NRG3: variants seen among roughly 807,000 people sequenced by gnomAD.
NRG3 encodes neuregulin 3, also known as pro-neuregulin-3, membrane-bound isoform.
A neutral mutation model predicts 66.9 loss-of-function variants in NRG3; 31 were observed. The observed-to-expected ratio is 0.46, with a 90% CI of 0.35 to 0.63. The LOEUF is 0.63. Among genes scored for constraint, NRG3 ranks in the 20% least tolerant of loss-of-function variants. The pLI is 0.00. For synonymous variants in NRG3, 393 were observed against 359.4 expected, an observed-to-expected ratio of 1.09 and a Z score of -1.06; for missense variants, 910 against 878.9, an observed-to-expected ratio of 1.04 and a Z score of -0.45.
At chr10:82,254,094 G>A (rs947117968) in intron 1 of NRG3, among the ~76,000 whole-genome samples, 4 of 152,106 alleles carry the variant, frequency 2.6e-5, no homozygotes, top group South Asian at 2.1e-4. Flanking sequence ...CACTCTTCCA[G>A]TGCTGGGTGC....
chr10:81,920,904 TCTA>T (rs1185541344), intron 1 of NRG3, among the ~76,000 whole-genome samples: 2 of 152,120 alleles, frequency 1.3e-5, no homozygotes, highest in Admixed American at 6.6e-5. Context: ...ATATGTTTCT[TCTA>T]ATGTTTTTCT....
intron 2 of NRG3, among the ~76,000 whole-genome samples, chr10:82,552,948 A>C (rs1294885022): frequency 1.3e-5 from 2 of 151,996 alleles, no homozygotes; most frequent in African/African-American, 2.4e-5. Flanking sequence ...GATAGTTGAC[A>C]ATGTACCTCC....
At chr10:82,334,136 C>CAAAAAAAAAAAAA (rs34320765) in intron 1 of NRG3, among the ~76,000 whole-genome samples, 1 of 89,904 alleles carries the variant, frequency 1.1e-5, no homozygotes, top group Non-Finnish European at 2.6e-5. Flanking sequence ...CATGGCGTCT[C>CAAAAAAAAAAAAA]AAAAAAAAAA....
At chr10:81,979,447 A>G (rs1032011352) in intron 1 of NRG3, among the ~76,000 whole-genome samples, 35 of 152,210 alleles carry the variant, frequency 2.3e-4, no homozygotes, top group African/African-American at 8.0e-4. Context: ...ATGAAGAGAA[A>G]TGCAAGCCTA....
intron 1 of NRG3, among the ~76,000 whole-genome samples, chr10:81,997,485 G>A (rs1031295929): frequency 1.3e-5 from 2 of 152,106 alleles, no homozygotes; most frequent in African/African-American, 2.4e-5. Context: ...ACTGATGGAA[G>A]CCTTTACCTT....
At chr10:82,220,367 C>CTGGGGACAGGAG (rs2075884151) in intron 1 of NRG3, among the ~76,000 whole-genome samples, 1 of 152,124 alleles carries the variant, frequency 6.6e-6, no homozygotes, top group Non-Finnish European at 1.5e-5. Flanking sequence ...TGGATTCCAG[C>CTGGGGACAGGAG]TGGGGACAGG....
At chr10:82,741,052 G>A (rs541759269) in intron 3 of NRG3, among the ~76,000 whole-genome samples, 1 of 152,168 alleles carries the variant, frequency 6.6e-6, no homozygotes, top group Non-Finnish European at 1.5e-5. Flanking sequence ...GAGTCAAAAT[G>A]CCAGAATCCT....
chr10:82,088,493 A>G lies in NRG3; in HGVS notation c.823+212330A>G, dbSNP rs188101871. 1.3e-3 allele frequency among the ~76,000 whole-genome samples: 198 copies of G among 152,266 alleles called. 1 individual carries two copies. Among genetic ancestry groups the G allele is most frequent in the Admixed American group, 6.7e-3 (102 of 15,296 alleles). ...CAGATTTGTAGAGATACATTTGTCT[A>G]TGTTGTGAGAATTGAAAGCCTTTCA... On this transcript the variant is annotated intron_variant, in intron 1 of 8. Transcript: ENST00000372141.
At chr10:81,994,562 G>T (rs2060862041) in intron 1 of NRG3, among the ~76,000 whole-genome samples, 1 of 151,794 alleles carries the variant, frequency 6.6e-6, no homozygotes, top group Non-Finnish European at 1.5e-5. Flanking sequence ...CTTGCATAAA[G>T]GATAGATAGC....
At chr10:82,644,473 G>A (rs2050799082) in intron 2 of NRG3, among the ~76,000 whole-genome samples, 1 of 152,022 alleles carries the variant, frequency 6.6e-6, no homozygotes, top group African/African-American at 2.4e-5. Context: ...AGCTGTTAGA[G>A]ATAAGTTCCA....
intron 1 of NRG3, among the ~76,000 whole-genome samples, chr10:82,279,429 A>G (rs1354798714): frequency 6.6e-6 from 1 of 152,192 alleles, no homozygotes; most frequent in Non-Finnish European, 1.5e-5. Flanking sequence ...CAAAATCCAC[A>G]TAGACAATAA....
At chr10:82,769,929 G>A (rs765101074) in intron 3 of NRG3, among the ~76,000 whole-genome samples, 5 of 152,060 alleles carry the variant, frequency 3.3e-5, no homozygotes, top group Non-Finnish European at 5.9e-5. Context: ...AATTTAGGAC[G>A]TGATGCAGAC....
chr10:82,341,208 G>A (rs1387769587), intron 1 of NRG3, among the ~76,000 whole-genome samples: 1 of 152,024 alleles, frequency 6.6e-6, no homozygotes, highest in Non-Finnish European at 1.5e-5. Context: ...AAAAAACGAT[G>A]CCTTCTAATT....
chr10:82,569,128 C>A (rs995290629), intron 2 of NRG3, among the ~76,000 whole-genome samples: 1 of 151,628 alleles, frequency 6.6e-6, no homozygotes, highest in Non-Finnish European at 1.5e-5. Context: ...AGCATTATAG[C>A]CTGAAAACTT....
intron 2 of NRG3, among the ~76,000 whole-genome samples, chr10:82,651,602 C>T (rs772496104): frequency 2.0e-5 from 3 of 152,334 alleles, no homozygotes; most frequent in African/African-American, 7.2e-5. Flanking sequence ...CTTTAGCCAG[C>T]AGTCGTGAGT....
At chr10:82,353,061 G>T (rs1234233147) in intron 1 of NRG3, among the ~76,000 whole-genome samples, 1 of 152,154 alleles carries the variant, frequency 6.6e-6, no homozygotes. Context: ...TTTGGTGATT[G>T]CGCATGCAGG....
intron 3 of NRG3, among the ~76,000 whole-genome samples, chr10:82,814,981 C>G (rs1186031775): frequency 1.3e-5 from 2 of 152,192 alleles, no homozygotes; most frequent in Non-Finnish European, 2.9e-5. Context: ...CTACTCAGTA[C>G]TGGAGCAAAA....
At chr10:82,003,723 C>A (rs543025723) in intron 1 of NRG3, among the ~76,000 whole-genome samples, 1 of 152,174 alleles carries the variant, frequency 6.6e-6, no homozygotes, top group African/African-American at 2.4e-5. Flanking sequence ...GCTGTTGAAG[C>A]CAAAGTGGGA....
intron 2 of NRG3, among the ~76,000 whole-genome samples, chr10:82,439,902 ATTG>A (rs2090343095): frequency 6.6e-6 from 1 of 151,826 alleles, no homozygotes; most frequent in Non-Finnish European, 1.5e-5. Flanking sequence ...GATAGGTTTT[ATTG>A]TTGTTACTTT....
Sources: gnomAD v4.1 joint callset for allele counts (sites outside exome capture counted in the v4.1 genomes callset) on GRCh38, gnomAD v4.1.1 for gene constraint, MANE v1.5 for transcripts, NCBI Gene and HGNC (gene_info 2026-07-23, HGNC 2026-07-21) for gene names.